The following CAPRIN2 variants were observed in gnomAD, a reference collection of about 807,000 sequenced individuals.
CAPRIN2 encodes the protein caprin family member 2.
A neutral mutation model predicts 130.4 loss-of-function variants in CAPRIN2; 66 were observed. The observed-to-expected ratio is 0.51, with a 90% CI of 0.42 to 0.62. The LOEUF (loss-of-function observed/expected upper bound fraction) is 0.62, where lower values mean the gene tolerates loss of function less well. CAPRIN2 is among the 20% of genes least tolerant of loss of function. CAPRIN2 has a pLI of 0.00. For synonymous variants in CAPRIN2, 471 were observed against 444.1 expected, an observed-to-expected ratio of 1.06 and a Z score of -0.76; for missense variants, 1,185 against 1,246.6, an observed-to-expected ratio of 0.95 and a Z score of 0.74.
At chr12:30,728,899 T>A (rs1178722297) in exon 8 of CAPRIN2, 1 of 1,613,976 alleles carries the variant, frequency 6.2e-7, no homozygotes. Flanking sequence ...GACTTTGGAG[T>A]TTGCTTCTTT....
intron 11 of CAPRIN2, among the ~76,000 whole-genome samples, chr12:30,722,207 G>C (rs1261204660): frequency 6.6e-6 from 1 of 152,158 alleles, no homozygotes; most frequent in Non-Finnish European, 1.5e-5. Flanking sequence ...TTCCAAATTA[G>C]TGCTTTTTAA....
chr12:30,722,768 G>A (rs1405284820), intron 11 of CAPRIN2, among the ~76,000 whole-genome samples: 1 of 151,954 alleles, frequency 6.6e-6, no homozygotes, highest in South Asian at 2.1e-4. Context: ...AGGTGTGGTG[G>A]CAGGCCCTAT....
chr12:30,744,560 C>A (rs371321010), intron 2 of CAPRIN2, among the ~76,000 whole-genome samples: 2 of 152,158 alleles, frequency 1.3e-5, no homozygotes, highest in Admixed American at 6.5e-5. Flanking sequence ...CTCCCTCCCC[C>A]CTTTCACTGG....
intron 11 of CAPRIN2, 99 bp from the exon 13 acceptor site, chr12:30,721,014 C>T (rs746930091): frequency 2.3e-5 from 18 of 773,150 alleles, no homozygotes; most frequent in Non-Finnish European, 3.2e-5. Flanking sequence ...TTACTGAACA[C>T]GCACATGTGT....
exon 8 of CAPRIN2, chr12:30,728,806 G>C: frequency 6.2e-7 from 1 of 1,614,090 alleles, no homozygotes; most frequent in Non-Finnish European, 8.5e-7. Flanking sequence ...GGAGTCTCTG[G>C]CTGTTTTGAA....
intron 1 of CAPRIN2, 79 bp from the exon 3 acceptor site, chr12:30,751,212 C>T (rs1016065104): frequency 8.7e-7 from 1 of 1,151,932 alleles, no homozygotes; most frequent in African/African-American, 1.5e-5. Flanking sequence ...GATCTTGTCT[C>T]TAGGAAACAA....
intron 5 of CAPRIN2, among the ~76,000 whole-genome samples, chr12:30,732,215 C>T (rs910527505): frequency 7.9e-5 from 12 of 151,976 alleles, no homozygotes; most frequent in African/African-American, 2.9e-4. Context: ...ATGCTGAGGT[C>T]ACTACACTAC....
chr12:30,715,172 G>A (rs1229973530), intron 13 of CAPRIN2, 31 bp from the exon 16 acceptor site: 3 of 1,578,638 alleles, frequency 1.9e-6, no homozygotes, highest in Admixed American at 3.3e-5. Flanking sequence ...TAGGGTCCAA[G>A]AGTTAAATGG....
intron 2 of CAPRIN2, among the ~76,000 whole-genome samples, chr12:30,745,355 T>A (rs1016228486): frequency 2.0e-5 from 3 of 152,178 alleles, no homozygotes; most frequent in African/African-American, 7.2e-5. Context: ...TTATATTAAA[T>A]TACAAGTTAA....
intron 2 of CAPRIN2, among the ~76,000 whole-genome samples, chr12:30,745,751 A>C (rs1023228754): frequency 6.6e-6 from 1 of 152,168 alleles, no homozygotes; most frequent in Non-Finnish European, 1.5e-5. Context: ...AAGTGGAATA[A>C]AGTAAGTCTA....
chr12:30,745,145 G>C (rs1241320345), intron 2 of CAPRIN2, among the ~76,000 whole-genome samples: 1 of 152,098 alleles, frequency 6.6e-6, no homozygotes, highest in Non-Finnish European at 1.5e-5. Context: ...TGTAACAAGG[G>C]ATCACAGTTC....
intron 15 of CAPRIN2, chr12:30,711,921 G>C: frequency 2.0e-6 from 1 of 509,546 alleles, no homozygotes; most frequent in Non-Finnish European, 3.7e-6. Flanking sequence ...GCTAGGTAAT[G>C]AGAGAAATTT....
chr12:30,745,732 A>AT (rs2069809927), intron 2 of CAPRIN2, among the ~76,000 whole-genome samples: 1 of 152,126 alleles, frequency 6.6e-6, no homozygotes, highest in African/African-American at 2.4e-5. Flanking sequence ...AAGCAGAAAA[A>AT]TTTTTAAAAA....
intron 2 of CAPRIN2, among the ~76,000 whole-genome samples, chr12:30,746,371 TGA>T (rs1211505303): frequency 6.6e-6 from 1 of 152,080 alleles, no homozygotes; most frequent in African/African-American, 2.4e-5. Context: ...TCCAGCCTGG[TGA>T]GAGAGAGACC....
rs546319797 is a variant in CAPRIN2 at position 30,728,603 on chromosome 12, T to C, written c.1782+45A>G. The C allele has an allele frequency of 4.1e-6, 6 of 1,474,998 alleles. No homozygotes were observed. The African/African-American group carries it at 4.3e-5, about 10-fold the overall frequency. The allele number at this position is 1,474,998 out of a possible 1,614,324, so 91.4% of individuals were successfully genotyped here. On this transcript the variant is annotated intron_variant, in intron 8 of 16. Transcript: ENST00000298892. ...AAAAAGTCATTACCACGACACCTTA[T>C]TTATGCCTACACTTACAGAAGCAGA...
At chr12:30,753,195 T>C (rs1378341442) in intron 1 of CAPRIN2, 149 bp downstream of exon 2, 1 of 633,190 alleles carries the variant, frequency 1.6e-6, no homozygotes, top group Non-Finnish European at 2.8e-6. Context: ...ATGTTTAATA[T>C]TTCCAACACG....
intron 3 of CAPRIN2, among the ~76,000 whole-genome samples, chr12:30,739,338 T>TG (rs140796362): frequency 0.051 from 7,786 of 151,988 alleles, 286 homozygotes; most frequent in African/African-American, 0.11. Flanking sequence ...CACATATAAG[T>TG]GGGGGCTAAA....
chr12:30,720,067 A>G (rs1173113279), intron 12 of CAPRIN2: 1 of 152,144 alleles, frequency 6.6e-6, no homozygotes, highest in Non-Finnish European at 1.5e-5. Context: ...TGAAAGCACA[A>G]ACATAATACT....
chr12:30,749,332 G>A (rs982093901), intron 2 of CAPRIN2, among the ~76,000 whole-genome samples: 2 of 152,270 alleles, frequency 1.3e-5, no homozygotes, highest in Admixed American at 6.5e-5. Context: ...CCACCAGAGG[G>A]GAACAAATGG....
Sources: gnomAD v4.1 joint callset for allele counts (sites outside exome capture counted in the v4.1 genomes callset) on GRCh38, gnomAD v4.1.1 for gene constraint, MANE v1.5 for transcripts, NCBI Gene and HGNC (gene_info 2026-07-23, HGNC 2026-07-21) for gene names.